JARID2: variants seen among roughly 807,000 people sequenced by gnomAD.
The protein encoded by JARID2 is jumonji and AT-rich interaction domain containing 2.
JARID2 carries 21 observed loss-of-function variants against 125.6 expected under a neutral mutation model. The observed-to-expected ratio is 0.17, with a 90% confidence interval of 0.12 to 0.24. The LOEUF (loss-of-function observed/expected upper bound fraction) is 0.24, where lower values mean the gene tolerates loss of function less well. Among genes scored for constraint, JARID2 ranks in the 10% least tolerant of loss-of-function variants. JARID2 has a pLI of 1.00. For missense variants in JARID2, 1,303 were observed against 1,639.6 expected, an observed-to-expected ratio of 0.79 and a Z score of 3.55; for synonymous variants, 736 against 661.6, an observed-to-expected ratio of 1.11 and a Z score of -1.73.
At chr6:15,454,040 G>A (rs894900323) in intron 4 of JARID2, among the ~76,000 whole-genome samples, 2 of 152,180 alleles carry the variant, frequency 1.3e-5, no homozygotes, top group African/African-American at 4.8e-5. Flanking sequence ...AAATCCGTGA[G>A]TTAGCAGCCA....
At chr6:15,424,107 C>T (rs535522802) in intron 3 of JARID2, among the ~76,000 whole-genome samples, 7 of 151,546 alleles carry the variant, frequency 4.6e-5, no homozygotes, top group Non-Finnish European at 8.8e-5. Context: ...GTGGATAGAC[C>T]TGTATGTATT....
intron 1 of JARID2, among the ~76,000 whole-genome samples, chr6:15,349,149 T>G (rs960220351): frequency 6.6e-6 from 1 of 152,254 alleles, no homozygotes; most frequent in Admixed American, 6.5e-5. Context: ...GGATCCCATC[T>G]ATGAAGTCAT....
chr6:15,474,062 C>T (rs534644033), intron 5 of JARID2, among the ~76,000 whole-genome samples: 4 of 152,308 alleles, frequency 2.6e-5, no homozygotes, highest in East Asian at 1.9e-4. Context: ...ATTTCACATC[C>T]GCTTTTATAT....
In JARID2 at chr6:15,490,010, A is replaced by G. The variant is rs537540958; in HGVS notation, c.906+2468A>G. Among the ~76,000 whole-genome samples the G allele has an allele frequency of 5.3e-5, 8 of 152,340 alleles. 1 individual carries two copies. The East Asian group carries it at 1.3e-3, about 26-fold the overall frequency. On this transcript the variant is annotated intron_variant, in intron 6 of 17. Coordinates refer to ENST00000341776, the MANE Select transcript of JARID2 (RefSeq NM_004973.4). ...GTGATATTTAACCTTCCTGGGCCCT[A>G]TTATTCCTTTGGAGCCAGTCTGGCC...
chr6:15,376,484 G>T (rs1764359124), intron 2 of JARID2, among the ~76,000 whole-genome samples: 1 of 152,170 alleles, frequency 6.6e-6, no homozygotes, highest in Admixed American at 6.5e-5. Context: ...GAAAGGCCGA[G>T]GAGGGAGGAT....
intron 2 of JARID2, among the ~76,000 whole-genome samples, chr6:15,391,088 T>G (rs763474862): frequency 7.2e-4 from 109 of 152,314 alleles, no homozygotes; most frequent in Middle Eastern, 3.4e-3. Flanking sequence ...ACTTCCTATT[T>G]GTGCTGTAGC....
chr6:15,344,548 T>A (rs908753814), intron 1 of JARID2, among the ~76,000 whole-genome samples: 8 of 150,714 alleles, frequency 5.3e-5, no homozygotes, highest in Admixed American at 1.3e-4. Context: ...TTTTTTTTTT[T>A]AACTGTTAGG....
chr6:15,359,228 T>C (rs1763706391), intron 1 of JARID2, among the ~76,000 whole-genome samples: 1 of 152,136 alleles, frequency 6.6e-6, no homozygotes. Flanking sequence ...AATAAAAACT[T>C]TTCTGAGTGG....
intron 2 of JARID2, chr6:15,400,964 G>A (rs750511995): frequency 7.8e-7 from 1 of 1,289,424 alleles, no homozygotes; most frequent in South Asian, 1.2e-5. Flanking sequence ...GCTGCTCCAC[G>A]GGTCTGTCAG....
At chr6:15,269,818 A>G (rs946314010) in intron 1 of JARID2, among the ~76,000 whole-genome samples, 9 of 152,144 alleles carry the variant, frequency 5.9e-5, no homozygotes, top group Non-Finnish European at 1.0e-4. Context: ...TCCAGAAGTG[A>G]CTTGGATGGG....
At chr6:15,302,776 C>A (rs1199198459) in intron 1 of JARID2, among the ~76,000 whole-genome samples, 1 of 151,986 alleles carries the variant, frequency 6.6e-6, no homozygotes, top group Admixed American at 6.6e-5. Flanking sequence ...GCTATGTCGC[C>A]CAGGCTGGAG....
intron 7 of JARID2, among the ~76,000 whole-genome samples, chr6:15,499,001 G>T (rs1046530870): frequency 6.6e-6 from 1 of 152,140 alleles, no homozygotes; most frequent in Non-Finnish European, 1.5e-5. Context: ...TAGTGACAGC[G>T]CCTTTTGTTT....
intron 4 of JARID2, among the ~76,000 whole-genome samples, chr6:15,453,058 C>T (rs1006729937): frequency 6.6e-6 from 1 of 152,192 alleles, no homozygotes; most frequent in Non-Finnish European, 1.5e-5. Flanking sequence ...AAAGTTTCCA[C>T]CCATCATCCC....
At chr6:15,501,508 A>T in intron 8 of JARID2, 99 bp downstream of exon 8, 3 of 1,219,930 alleles carry the variant, frequency 2.5e-6, no homozygotes, top group Non-Finnish European at 3.3e-6. Context: ...GTGTTCTCTG[A>T]TTCCCTGGGG....
At position 15,364,473 on chromosome 6, in the gene JARID2, A is replaced by G. The variant is rs150321228; in HGVS notation, c.46-9644A>G. Among the ~76,000 whole-genome samples the G allele has an allele frequency of 2.6e-5, 4 of 152,338 alleles. No individual in the cohort carries two copies. In the East Asian group the frequency reaches 7.7e-4, roughly 29 times the overall value. On this transcript the variant is annotated intron_variant, in intron 1 of 17. Coordinates refer to ENST00000341776, the MANE Select transcript of JARID2 (RefSeq NM_004973.4). ...AGGCTTTGCAGACAGACTTTACTTC[A>G]TCTTCAGGATGTTTCCTGCAAGAGG... is the stretch of plus-strand genomic sequence containing the variant.
intron 4 of JARID2, among the ~76,000 whole-genome samples, chr6:15,463,445 TC>T (rs398000602): frequency 0.18 from 2,335 of 12,882 alleles, 85 homozygotes; most frequent in Non-Finnish European, 0.24. Flanking sequence ...TTTTTTTTTT[TC>T]CGAGGTGGAG....
In JARID2 at chr6:15,473,514, G is replaced by GGCCCCCC. The variant is rs1769181602; in HGVS notation, c.670+4796_670+4797insGCCCCCC. Among the ~76,000 whole-genome samples, 4 of 35,066 alleles carry GGCCCCCC rather than the reference G, an allele frequency of 1.1e-4. 1 individual carries two copies. In the Admixed American group the frequency reaches 1.3e-3, roughly 12 times the overall value. 23.0% of individuals were successfully genotyped at this position (35,066 alleles called of 152,430 possible). A position where few individuals can be genotyped will look rare whatever the true frequency, so the allele number is the denominator to read the frequency against. On this transcript the variant is annotated intron_variant, in intron 5 of 17. Transcript: ENST00000341776. The stretch of plus-strand genomic sequence containing the variant: ...GTCTCCCTTGTCTTCTGATGTGCGT[G>GGCCCCCC]CCCCCCCCCCCCCCCCGCTTTGTGT...
chr6:15,271,276 C>G (rs547724928), intron 1 of JARID2, among the ~76,000 whole-genome samples: 7 of 152,308 alleles, frequency 4.6e-5, no homozygotes, highest in African/African-American at 1.4e-4. Context: ...ACACAAGGAT[C>G]TTGTTAAAAT....
Position 15,449,174 on chromosome 6 carries a change from G to A in JARID2, c.324-2832G>A, listed in dbSNP as rs111855600. Among the ~76,000 whole-genome samples, 611 of 152,184 alleles carry A rather than the reference G, an allele frequency of 4.0e-3. 5 individuals are homozygous for A. Among genetic ancestry groups the A allele is most frequent in the African/African-American group, 0.014 (566 of 41,502 alleles). ...GTCATGACTTATATAGAGGCAGGCA[G>A]TTGGTTGCAAAAAAGCTCTCTTTGT... On this transcript the variant is annotated intron_variant, in intron 3 of 17. Transcript: ENST00000341776.
Sources: gnomAD v4.1 joint callset for allele counts (sites outside exome capture counted in the v4.1 genomes callset) on GRCh38, gnomAD v4.1.1 for gene constraint, MANE v1.5 for transcripts, NCBI Gene and HGNC (gene_info 2026-07-23, HGNC 2026-07-21) for gene names.